Variants in SLC35F1 observed in about 807,000 individuals in gnomAD.
SLC35F1 encodes the protein chromosome 6 open reading frame 169.
SLC35F1 carries 14 observed loss-of-function variants against 48.7 expected under a neutral mutation model. That is an observed-to-expected ratio of 0.29 (90% confidence interval 0.19 to 0.45). The LOEUF (loss-of-function observed/expected upper bound fraction) is 0.45, where lower values mean the gene tolerates loss of function less well. Ranked by LOEUF, SLC35F1 falls within the 20% of genes least tolerant of loss-of-function variation. The pLI, the probability that SLC35F1 is intolerant of heterozygous loss-of-function variation, is 1.00. For synonymous variants in SLC35F1, 190 were observed against 202.2 expected (o/e 0.94, Z 0.51); for missense variants, 404 against 500.0 (o/e 0.81, Z 1.83).
intron 7 of SLC35F1, among the ~76,000 whole-genome samples, chr6:118,292,387 A>G (rs1248883964): frequency 2.6e-5 from 4 of 152,222 alleles, no homozygotes; most frequent in Admixed American, 6.5e-5. Flanking sequence ...CTTGGGAAGC[A>G]GGAGTTTCCA....
At chr6:118,248,563 G>T (rs157487) in intron 3 of SLC35F1, among the ~76,000 whole-genome samples, 9,890 of 152,162 alleles carry the variant, frequency 0.065, 569 homozygotes, top group African/African-American at 0.16. Flanking sequence ...TGGCTTTGAA[G>T]ATGGAGAAAG....
At chr6:117,927,548 G>A (rs767980794) in intron 1 of SLC35F1, among the ~76,000 whole-genome samples, 7 of 152,140 alleles carry the variant, frequency 4.6e-5, no homozygotes, top group Non-Finnish European at 8.8e-5. Flanking sequence ...CTGGGAGCAG[G>A]GGCTTCAAAA....
intron 2 of SLC35F1, among the ~76,000 whole-genome samples, chr6:118,212,662 C>G (rs1376774817): frequency 6.9e-6 from 1 of 145,894 alleles, no homozygotes; most frequent in Admixed American, 7.0e-5. Context: ...TGCACTCCAG[C>G]CTGGACAAGA....
chr6:118,187,848 G>C (rs764495296), intron 2 of SLC35F1, among the ~76,000 whole-genome samples: 1 of 152,216 alleles, frequency 6.6e-6, no homozygotes, highest in Non-Finnish European at 1.5e-5. Flanking sequence ...ACTTAGGCTG[G>C]TGTCTCTGGC....
At chr6:118,066,923 C>T (rs1230326856) in intron 1 of SLC35F1, among the ~76,000 whole-genome samples, 1 of 151,926 alleles carries the variant, frequency 6.6e-6, no homozygotes, top group Non-Finnish European at 1.5e-5. Context: ...CACTGAAAGT[C>T]AAATTCAGCT....
At chr6:117,962,349 C>T (rs1294075567) in intron 1 of SLC35F1, among the ~76,000 whole-genome samples, 2 of 152,150 alleles carry the variant, frequency 1.3e-5, no homozygotes, top group African/African-American at 4.8e-5. Context: ...TTTTGCAAGG[C>T]AGTGAGAATT....
intron 1 of SLC35F1, among the ~76,000 whole-genome samples, chr6:118,146,933 C>T (rs1773982511): frequency 6.6e-6 from 1 of 152,152 alleles, no homozygotes; most frequent in South Asian, 2.1e-4. Context: ...TCAGTATCTT[C>T]TAAAAGTAAG....
intron 1 of SLC35F1, among the ~76,000 whole-genome samples, chr6:118,068,699 T>G (rs1772653977): frequency 6.6e-6 from 1 of 152,166 alleles, no homozygotes; most frequent in Non-Finnish European, 1.5e-5. Flanking sequence ...AGGGAAAATA[T>G]ACCATTGAAA....
intron 2 of SLC35F1, among the ~76,000 whole-genome samples, chr6:118,182,391 G>A (rs939851661): frequency 3.3e-5 from 5 of 151,518 alleles, no homozygotes; most frequent in Non-Finnish European, 7.4e-5. Flanking sequence ...TCTGGAGGCT[G>A]AAGTGGAAGG....
chr6:118,017,531 C>G (rs1236507802), intron 1 of SLC35F1, among the ~76,000 whole-genome samples: 1 of 152,172 alleles, frequency 6.6e-6, no homozygotes, highest in Non-Finnish European at 1.5e-5. Context: ...GTAGTAAAAG[C>G]TCAACTTCAA....
chr6:117,968,897 G>A (rs1343284398), intron 1 of SLC35F1, among the ~76,000 whole-genome samples: 3 of 152,144 alleles, frequency 2.0e-5, no homozygotes, highest in Non-Finnish European at 4.4e-5. Flanking sequence ...TGGAAGCATT[G>A]GAGTCTACTT....
At chr6:117,942,859 T>G (rs546109500) in intron 1 of SLC35F1, among the ~76,000 whole-genome samples, 43 of 152,352 alleles carry the variant, frequency 2.8e-4, no homozygotes, top group African/African-American at 1.0e-3. Flanking sequence ...CTTTATTTTA[T>G]CTTACTTATT....
chr6:118,251,734 C>T (rs758871781), intron 3 of SLC35F1, among the ~76,000 whole-genome samples: 2 of 152,006 alleles, frequency 1.3e-5, no homozygotes, highest in African/African-American at 2.4e-5. Flanking sequence ...GTGACTTATT[C>T]GGTGTGTGAG....
At position 118,068,919 on chromosome 6, in the gene SLC35F1, T is replaced by A. The variant is rs1223121646; in HGVS notation, c.174-85526T>A. Among the ~76,000 whole-genome samples, 3 of 152,266 alleles carry A rather than the reference T, an allele frequency of 2.0e-5. No individual in the cohort carries two copies. The East Asian group carries it at 5.8e-4, about 29-fold the overall frequency. On this transcript the variant is annotated intron_variant, in intron 1 of 7. Transcript: ENST00000360388. Reference sequence around the variant, plus strand: ...TGAACAAGGCTTCAAGGTCACTATTTTAAGTTTAAAAGTCAATCAATTAAA... The same window carrying A: ...TGAACAAGGCTTCAAGGTCACTATTATAAGTTTAAAAGTCAATCAATTAAA...
intron 1 of SLC35F1, among the ~76,000 whole-genome samples, chr6:118,117,667 C>T (rs1582674887): frequency 1.3e-5 from 2 of 152,176 alleles, no homozygotes; most frequent in East Asian, 3.9e-4. Flanking sequence ...AATCATGCAA[C>T]CACCACCAAA....
intron 3 of SLC35F1, among the ~76,000 whole-genome samples, chr6:118,256,269 T>G (rs1775645270): frequency 1.3e-5 from 2 of 149,502 alleles, no homozygotes; most frequent in South Asian, 4.3e-4. Context: ...AAGTTTGTCC[T>G]TTTAAAGATC....
chr6:117,959,621 G>A (rs1776469010), intron 1 of SLC35F1, among the ~76,000 whole-genome samples: 1 of 152,086 alleles, frequency 6.6e-6, no homozygotes, highest in Non-Finnish European at 1.5e-5. Flanking sequence ...TATAAAGGTA[G>A]GATTCACTAA....
intron 1 of SLC35F1, among the ~76,000 whole-genome samples, chr6:118,095,788 A>G (rs769715826): frequency 3.3e-5 from 5 of 152,172 alleles, no homozygotes; most frequent in Non-Finnish European, 7.4e-5. Context: ...ATGGAAGTGG[A>G]GTCAGAAAGA....
At chr6:118,302,627 T>C (rs1184357202) in intron 7 of SLC35F1, among the ~76,000 whole-genome samples, 3 of 152,184 alleles carry the variant, frequency 2.0e-5, no homozygotes, top group Admixed American at 2.0e-4. Flanking sequence ...GGGCAAAAAT[T>C]TGCTTACATA....
Sources: allele counts gnomAD v4.1 joint callset (sites outside exome capture counted in the v4.1 genomes callset), GRCh38; gene constraint gnomAD v4.1.1; transcripts MANE v1.5; gene names NCBI Gene and HGNC (gene_info 2026-07-23, HGNC 2026-07-21).